The following GPC5 variants were observed in gnomAD, a reference collection of about 807,000 sequenced individuals.
GPC5 encodes glypican 5.
GPC5 carries 47 observed loss-of-function variants against 53.9 expected under a neutral mutation model. That is an observed-to-expected ratio of 0.87 (90% confidence interval 0.69 to 1.11). GPC5 has a LOEUF of 1.11. Among genes scored for constraint, GPC5 ranks in the 50% most tolerant of loss-of-function variants. The probability of loss-of-function intolerance (pLI) is 0.00; values close to 1 mark genes in which losing one functional copy is unlikely to be tolerated. For synonymous variants in GPC5, 286 were observed against 263.3 expected (o/e 1.09, Z -0.84); for missense variants, 748 against 713.1 (o/e 1.05, Z -0.56).
intron 7 of GPC5, among the ~76,000 whole-genome samples, chr13:92,275,428 T>C (rs2139160809): frequency 6.6e-6 from 1 of 152,140 alleles, no homozygotes; most frequent in East Asian, 1.9e-4. Flanking sequence ...TGCAATGAAA[T>C]TGACTTCGTT....
At chr13:92,583,860 T>G (rs1883446743) in intron 7 of GPC5, among the ~76,000 whole-genome samples, 3 of 152,138 alleles carry the variant, frequency 2.0e-5, no homozygotes, top group African/African-American at 7.2e-5. Flanking sequence ...CTCATGATAG[T>G]AAGTCTCACA....
At chr13:91,886,801 T>A (rs897146495) in intron 5 of GPC5, among the ~76,000 whole-genome samples, 20 of 152,194 alleles carry the variant, frequency 1.3e-4, no homozygotes, top group Non-Finnish European at 1.9e-4. Context: ...CAAGTGGTGA[T>A]CTTCCACAGC....
intron 7 of GPC5, among the ~76,000 whole-genome samples, chr13:92,245,235 C>G (rs1167829642): frequency 1.3e-5 from 2 of 152,074 alleles, no homozygotes; most frequent in African/African-American, 4.8e-5. Flanking sequence ...ATGTTTCACT[C>G]TCATTTTATT....
chr13:91,537,914 A>C (rs1886663592), intron 2 of GPC5, among the ~76,000 whole-genome samples: 1 of 152,226 alleles, frequency 6.6e-6, no homozygotes, highest in Non-Finnish European at 1.5e-5. Context: ...ATTTACACAC[A>C]AACTTCTACA....
chr13:91,651,752 G>T (rs1184778737), intron 2 of GPC5, among the ~76,000 whole-genome samples: 1 of 151,102 alleles, frequency 6.6e-6, no homozygotes, highest in Non-Finnish European at 1.5e-5. Context: ...AAAGATAAAT[G>T]TTCTATATTA....
intron 6 of GPC5, among the ~76,000 whole-genome samples, chr13:91,977,314 C>A (rs2138709295): frequency 6.6e-6 from 1 of 152,188 alleles, no homozygotes; most frequent in Admixed American, 6.5e-5. Flanking sequence ...GAGTGAAAAT[C>A]AATGCTTAGT....
chr13:92,821,938 G>A (rs1877688263), intron 7 of GPC5, among the ~76,000 whole-genome samples: 2 of 152,168 alleles, frequency 1.3e-5, no homozygotes, highest in African/African-American at 4.8e-5. Context: ...AAAAAAAATG[G>A]GAGGGAATAA....
chr13:91,783,131 G>A (rs1196598087), intron 5 of GPC5, among the ~76,000 whole-genome samples: 1 of 152,042 alleles, frequency 6.6e-6, no homozygotes, highest in African/African-American at 2.4e-5. Context: ...GTGGACACCT[G>A]TAATCCCAGC....
chr13:92,783,429 G>T (rs1876102496), intron 7 of GPC5, among the ~76,000 whole-genome samples: 1 of 152,194 alleles, frequency 6.6e-6, no homozygotes, highest in African/African-American at 2.4e-5. Flanking sequence ...CCTAGGGATG[G>T]TCACAGTAAT....
intron 5 of GPC5, among the ~76,000 whole-genome samples, chr13:91,763,444 C>G (rs990591650): frequency 2.6e-5 from 4 of 152,130 alleles, no homozygotes; most frequent in African/African-American, 7.2e-5. Flanking sequence ...AGGAGTAGAT[C>G]CACGTGCAAA....
intron 7 of GPC5, among the ~76,000 whole-genome samples, chr13:92,511,874 T>C (rs1880578330): frequency 6.6e-6 from 1 of 152,096 alleles, no homozygotes; most frequent in Admixed American, 6.6e-5. Context: ...TCCATCTCAG[T>C]AGGTTATGCT....
At chr13:92,691,751 T>C (rs976512928) in intron 7 of GPC5, among the ~76,000 whole-genome samples, 5 of 152,028 alleles carry the variant, frequency 3.3e-5, no homozygotes, top group African/African-American at 1.2e-4. Flanking sequence ...CCTAAAATTT[T>C]CTATATAGAT....
intron 6 of GPC5, among the ~76,000 whole-genome samples, chr13:92,128,454 G>A (rs1216302368): frequency 1.3e-5 from 2 of 152,202 alleles, no homozygotes. Flanking sequence ...GAATATGTTG[G>A]TTGAAATCTA....
chr13:92,232,933 G>C (rs531631327), intron 7 of GPC5, among the ~76,000 whole-genome samples: 1 of 152,164 alleles, frequency 6.6e-6, no homozygotes, highest in Non-Finnish European at 1.5e-5. Flanking sequence ...TTGACCCAAA[G>C]AACTTCTTAG....
At chr13:91,717,430 G>C (rs2036362507) in intron 3 of GPC5, among the ~76,000 whole-genome samples, 1 of 152,192 alleles carries the variant, frequency 6.6e-6, no homozygotes, top group Non-Finnish European at 1.5e-5. Context: ...AGAGAAAGTC[G>C]GCAAGGTAGC....
rs1039831564 is a variant in GPC5, at chr13:92,157,664, T to G, written c.1561+12675T>G. Among the ~76,000 whole-genome samples the G allele has an allele frequency of 3.3e-5, 5 of 152,186 alleles. 1 individual carries two copies. The highest frequency in any genetic ancestry group is 1.2e-4 in the African/African-American group (5 of 41,456). On this transcript the variant is annotated intron_variant, in intron 7 of 7. Coordinates refer to ENST00000377067, the MANE Select transcript of GPC5 (RefSeq NM_004466.6). ...TGTTAGGAAGAAACATGTTTAAAAT[T>G]TAGTCAACATAAAGGAAATGCAAAA...
chr13:92,377,536 G>A (rs547800576), intron 7 of GPC5, among the ~76,000 whole-genome samples: 1 of 152,184 alleles, frequency 6.6e-6, no homozygotes, highest in South Asian at 2.1e-4. Context: ...GGAATGCATC[G>A]AGCAAGGATT....
chr13:92,095,138 G>A (rs1186058458), intron 6 of GPC5, among the ~76,000 whole-genome samples: 1 of 152,058 alleles, frequency 6.6e-6, no homozygotes, highest in African/African-American at 2.4e-5. Context: ...CCAACTCTCT[G>A]TGCATTATCA....
chr13:92,618,370 GCTCCCCAAATGCTTAA>G (rs1194299690), intron 7 of GPC5, among the ~76,000 whole-genome samples: 1 of 152,118 alleles, frequency 6.6e-6, no homozygotes, highest in Non-Finnish European at 1.5e-5. Flanking sequence ...TTTGACTTCT[GCTCCCCAAATGCTTAA>G]CTTCAGTCAC....
Sources: gnomAD v4.1 joint callset for allele counts (sites outside exome capture counted in the v4.1 genomes callset) on GRCh38, gnomAD v4.1.1 for gene constraint, MANE v1.5 for transcripts, NCBI Gene and HGNC (gene_info 2026-07-23, HGNC 2026-07-21) for gene names.